Variants in DPYD observed in about 807,000 individuals in gnomAD.
DPYD encodes dihydropyrimidine dehydrogenase [NADP(+)].
Under a neutral mutation model 116.2 loss-of-function variants are expected in DPYD, and 109 were observed. The observed-to-expected ratio is 0.94, with a 90% CI of 0.80 to 1.10. The LOEUF (loss-of-function observed/expected upper bound fraction) is 1.10, where lower values mean the gene tolerates loss of function less well. Among genes scored for constraint, DPYD ranks in the 50% least tolerant of loss-of-function variants. DPYD has a pLI of 0.00. For missense variants in DPYD, 1,302 were observed against 1,254.5 expected (o/e 1.04, Z -0.57); for synonymous variants, 440 against 432.0 (o/e 1.02, Z -0.23).
intron 4 of DPYD, 39 bp from the exon 5 acceptor site, chr1:97,721,710 A>G: frequency 6.3e-7 from 1 of 1,585,776 alleles, no homozygotes; most frequent in Non-Finnish European, 8.6e-7. Context: ...ACTACTTAAA[A>G]ATATACTTTA....
At chr1:97,524,674 T>C (rs916359927) in intron 12 of DPYD, among the ~76,000 whole-genome samples, 1 of 152,112 alleles carries the variant, frequency 6.6e-6, no homozygotes, top group African/African-American at 2.4e-5. Context: ...AATCATCTCT[T>C]CTTTCTTTCT....
At chr1:97,473,127 C>T (rs923265438) in intron 13 of DPYD, among the ~76,000 whole-genome samples, 3 of 152,134 alleles carry the variant, frequency 2.0e-5, no homozygotes, top group Non-Finnish European at 4.4e-5. Context: ...AATTTCCAAC[C>T]TGCTTCCCAA....
intron 8 of DPYD, among the ~76,000 whole-genome samples, chr1:97,625,055 T>C (rs1656849516): frequency 6.6e-6 from 1 of 151,986 alleles, no homozygotes; most frequent in South Asian, 2.1e-4. Flanking sequence ...GCACAGTGAA[T>C]ATAGTTAATA....
At chr1:97,183,925 A>G (rs1557919981) in intron 20 of DPYD, among the ~76,000 whole-genome samples, 1 of 151,928 alleles carries the variant, frequency 6.6e-6, no homozygotes, top group Non-Finnish European at 1.5e-5. Flanking sequence ...TGCACCTTCC[A>G]TCCTCAAGTA....
At chr1:97,172,425 T>C (rs1378088895) in intron 20 of DPYD, among the ~76,000 whole-genome samples, 1 of 152,194 alleles carries the variant, frequency 6.6e-6, no homozygotes, top group Non-Finnish European at 1.5e-5. Flanking sequence ...TTCATATGAA[T>C]TTGTTTTTAT....
chr1:97,343,430 G>C (rs1274850400), intron 16 of DPYD, among the ~76,000 whole-genome samples: 2 of 151,942 alleles, frequency 1.3e-5, no homozygotes, highest in African/African-American at 4.8e-5. Context: ...TATGCCTTTT[G>C]CTAAAAGTAA....
chr1:97,515,243 G>A (rs1341436754), intron 13 of DPYD, among the ~76,000 whole-genome samples: 2 of 151,846 alleles, frequency 1.3e-5, no homozygotes, highest in Non-Finnish European at 2.9e-5. Context: ...AAGTCATAAT[G>A]TTAAATGAAA....
At chr1:97,686,929 C>A (rs530003062) in intron 7 of DPYD, among the ~76,000 whole-genome samples, 3 of 152,020 alleles carry the variant, frequency 2.0e-5, no homozygotes, top group African/African-American at 7.2e-5. Flanking sequence ...CCAGAATCTA[C>A]AAGGAACTTA....
chr1:97,905,469 C>T (rs996010151), intron 1 of DPYD, among the ~76,000 whole-genome samples: 4 of 152,018 alleles, frequency 2.6e-5, no homozygotes, highest in African/African-American at 4.8e-5. Flanking sequence ...AAAGAAAACA[C>T]GATATAGAAT....
intron 11 of DPYD, among the ~76,000 whole-genome samples, chr1:97,551,188 G>A (rs991316445): frequency 3.3e-5 from 5 of 151,938 alleles, no homozygotes; most frequent in Admixed American, 1.3e-4. Context: ...TTGTTTTTTC[G>A]TCTTTCATTG....
intron 19 of DPYD, among the ~76,000 whole-genome samples, chr1:97,229,318 T>C (rs905371987): frequency 6.7e-6 from 1 of 148,388 alleles, no homozygotes; most frequent in Non-Finnish European, 1.5e-5. Context: ...TTAAACACTA[T>C]GTATTTGGAG....
chr1:97,334,072 C>T (rs888553380), intron 16 of DPYD, among the ~76,000 whole-genome samples: 11 of 152,106 alleles, frequency 7.2e-5, no homozygotes, highest in African/African-American at 2.2e-4. Context: ...ATTTCAGTTA[C>T]ACTTTACTGC....
chr1:97,443,192 T>A (rs577284669), intron 14 of DPYD, among the ~76,000 whole-genome samples: 89 of 152,316 alleles, frequency 5.8e-4, no homozygotes, highest in Middle Eastern at 3.4e-3. Flanking sequence ...GTTTTTACTC[T>A]TAACCACTCA....
intron 16 of DPYD, among the ~76,000 whole-genome samples, chr1:97,329,408 T>C (rs1668866337): frequency 6.6e-6 from 1 of 151,968 alleles, no homozygotes; most frequent in Non-Finnish European, 1.5e-5. Flanking sequence ...TGTATTAAAG[T>C]GATGTTTGAT....
rs868818150 is a variant in DPYD, at chr1:97,376,891, A to G, written c.1975-3247T>C. Among the ~76,000 whole-genome samples the G allele has an allele frequency of 3.4e-3, 307 of 89,598 alleles. 2 individuals carry two copies. The highest frequency in any genetic ancestry group is 7.0e-3 in the Admixed American group (61 of 8,692). The allele number at this position is 89,598 out of a possible 152,430, so 58.8% of individuals were successfully genotyped here. A position where few individuals can be genotyped will look rare whatever the true frequency, so the allele number is the denominator to read the frequency against. On this transcript the variant is annotated intron_variant, in intron 15 of 22. Transcript: ENST00000370192. ...TGTGTGTGTGTGTGTGTGTGTGTATATATATATATATGGTGTGGACTCTGA... is the reference window on the plus strand; with the variant it reads ...TGTGTGTGTGTGTGTGTGTGTGTATGTATATATATATGGTGTGGACTCTGA...
intron 2 of DPYD, among the ~76,000 whole-genome samples, chr1:97,870,199 A>G (rs1189867218): frequency 1.3e-5 from 2 of 151,896 alleles, no homozygotes; most frequent in Non-Finnish European, 2.9e-5. Context: ...GATATTAGAA[A>G]TTTGAAAGAA....
chr1:97,716,156 T>C (rs1311166807), intron 5 of DPYD, among the ~76,000 whole-genome samples: 2 of 152,074 alleles, frequency 1.3e-5, no homozygotes, highest in East Asian at 3.9e-4. Context: ...ACATTTTTAA[T>C]TGTATTAGTG....
rs548314393 is a variant in DPYD at position 97,436,105 on chromosome 1, T to C, written c.1905+13954A>G. ...GAGGGGATAAGTAGGAGGAAAACAATTGTTACAGTTTTCACATTATCCTTT... is the reference window on the plus strand; with the variant it reads ...GAGGGGATAAGTAGGAGGAAAACAACTGTTACAGTTTTCACATTATCCTTT... On this transcript the variant is annotated intron_variant, in intron 14 of 22. Transcript: ENST00000370192. Among the ~76,000 whole-genome samples, 344 of 152,104 alleles carry C rather than the reference T, an allele frequency of 2.3e-3. 1 individual carries two copies. Among genetic ancestry groups the C allele is most frequent in the Non-Finnish European group, 3.9e-3 (263 of 67,882 alleles).
At chr1:97,179,876 C>G (rs994724832) in intron 20 of DPYD, among the ~76,000 whole-genome samples, 15 of 151,982 alleles carry the variant, frequency 9.9e-5, no homozygotes, top group African/African-American at 3.6e-4. Flanking sequence ...AGGTGGTTAA[C>G]TAGATCAATA....
Sources: allele counts gnomAD v4.1 joint callset (sites outside exome capture counted in the v4.1 genomes callset), GRCh38; gene constraint gnomAD v4.1.1; transcripts MANE v1.5; gene names NCBI Gene and HGNC (gene_info 2026-07-23, HGNC 2026-07-21).